GATB: variants seen among roughly 807,000 people sequenced by gnomAD.
GATB encodes glutamyl-tRNA(Gln) amidotransferase subunit B, mitochondrial.
In GATB, 39 loss-of-function variants were observed where a neutral mutation model predicts 62.3. That is an observed-to-expected ratio of 0.63 (90% CI 0.48 to 0.82). The LOEUF (loss-of-function observed/expected upper bound fraction) is 0.82. Ranked by LOEUF, GATB falls within the 40% of genes least tolerant of loss-of-function variation. The pLI, the probability that GATB is intolerant of heterozygous loss-of-function variation, is 0.00. For synonymous variants in GATB, 276 were observed against 258.9 expected (o/e 1.07, Z -0.63); for missense variants, 670 against 684.0 (o/e 0.98, Z 0.23).
rs149830430 is a variant in GATB at position 151,724,177 on chromosome 4, C to T, written c.328-4639G>A. On this transcript the variant is annotated intron_variant, in intron 2 of 12. Coordinates refer to ENST00000263985, the MANE Select transcript of GATB (RefSeq NM_004564.3). ...ACAAATATTCCATGATCTCTGAGAC[C>T]ATCATTTAACAACAACTCCCAACAC... 5.9e-5 allele frequency: 9 copies of T among 152,254 alleles called. No homozygotes were observed. In the East Asian group the frequency reaches 7.7e-4, roughly 13 times the overall value. 9.4% of individuals were successfully genotyped at this position (152,254 alleles called of 1,614,324 possible).
chr4:151,760,882 G>A lies in GATB; in HGVS notation c.101C>T (p.Ser34Phe), dbSNP rs746953681. The A allele has an allele frequency of 3.7e-6, 6 of 1,613,928 alleles. No individual in the cohort carries two copies. Among genetic ancestry groups the A allele is most frequent in the Middle Eastern group, 1.6e-4 (1 of 6,068 alleles). The stretch of plus-strand genomic sequence containing the variant: ...CTCTCCCCTAATCTGGTTGGATGTG[G>A]ACCCAGTCGGAGCCCCTCTTCGGTG... ...SCHRRGAPTG[S>F]TSNQIRGESS... Residue 34 changes from serine (S) to phenylalanine (F), a missense_variant, in exon 1 of 13, where the codon TCC (serine) becomes TTC (phenylalanine). Physicochemically the swap from Ser to Phe is radical, Grantham distance 155. Transcript: ENST00000263985.
intron 9 of GATB, among the ~76,000 whole-genome samples, chr4:151,699,709 C>G (rs1289421478): frequency 6.6e-6 from 1 of 152,146 alleles, no homozygotes; most frequent in Admixed American, 6.6e-5. Flanking sequence ...CATACAGTGC[C>G]TTGAACAGAA....
rs199833490 is a variant in GATB at position 151,750,866 on chromosome 4, T to C, written c.327+7906A>G. ...CCAGGCTGGTCTCCAACTCCTGGGC[T>C]CAAGCCATCCAACCACCTCAGCCTT... On this transcript the variant is annotated intron_variant, in intron 2 of 12. Transcript: ENST00000263985. Among the ~76,000 whole-genome samples, 10 of 151,594 alleles carry C rather than the reference T, an allele frequency of 6.6e-5. No individual in the cohort carries two copies. The East Asian group carries it at 2.0e-3, about 30-fold the overall frequency.
At chr4:151,698,315 G>A (rs1458472543) in intron 9 of GATB, among the ~76,000 whole-genome samples, 1 of 152,058 alleles carries the variant, frequency 6.6e-6, no homozygotes, top group Admixed American at 6.5e-5. Flanking sequence ...CTCACTGCAC[G>A]ATAAAATGAC....
At chr4:151,714,483 C>T (rs1475063602) in intron 5 of GATB, among the ~76,000 whole-genome samples, 3 of 152,216 alleles carry the variant, frequency 2.0e-5, no homozygotes. Flanking sequence ...CAAAGCTACT[C>T]GGCTGCTGTG....
At chr4:151,736,092 C>A (rs1008123413) in intron 2 of GATB, among the ~76,000 whole-genome samples, 1 of 152,170 alleles carries the variant, frequency 6.6e-6, no homozygotes, top group African/African-American at 2.4e-5. Context: ...TGCTGAAAAT[C>A]AGCTCTAGAA....
chr4:151,735,206 G>A lies in GATB; in HGVS notation c.328-15668C>T, dbSNP rs572360381. 9.6e-5 allele frequency among the ~76,000 whole-genome samples: 14 copies of A among 146,064 alleles called. No homozygotes were observed. In the South Asian group the frequency reaches 2.2e-3, roughly 23 times the overall value. ...ATCTGACAAAGGACTAATAACCAGA[G>A]TCTACAACAAACTCAAACAAATCAG... On this transcript the variant is annotated intron_variant, in intron 2 of 12. Coordinates refer to ENST00000263985, the MANE Select transcript of GATB (RefSeq NM_004564.3).
chr4:151,701,497 C>A lies in GATB; in HGVS notation c.1029G>T (p.Leu343=). ...TGGCGTCGTAGAGCACCAGGGGAGG[C>A]AGGTTGGGTTCTGGCATGAACCTGG... ...QDYRFMPEPN[L]PPLVLYDATS... Residue 343 remains leucine (L), a synonymous_variant, in exon 9 of 13, where the codon CTG becomes CTT. Transcript: ENST00000263985. The A allele has an allele frequency of 6.4e-7, 1 of 1,569,198 alleles. No individual in the cohort carries two copies.
intron 7 of GATB, 60 bp downstream of exon 7, chr4:151,705,125 A>G: frequency 1.7e-6 from 2 of 1,159,164 alleles, no homozygotes; most frequent in Non-Finnish European, 2.6e-6. Context: ...TCAGTGGCTG[A>G]GCCCAGCCCT....
intron 12 of GATB, 135 bp from the exon 13 acceptor site, chr4:151,671,437 CAG>C: frequency 1.2e-6 from 1 of 825,138 alleles, no homozygotes; most frequent in Non-Finnish European, 1.9e-6. Flanking sequence ...AAATGTAGAA[CAG>C]AAAAAGGGGA....
At position 151,757,677 on chromosome 4, in the gene GATB, C is replaced by T. The variant is rs140079359; in HGVS notation, c.327+1095G>A. Among the ~76,000 whole-genome samples the T allele has an allele frequency of 2.6e-3, 391 of 152,182 alleles. 3 individuals are homozygous for T. The highest frequency in any genetic ancestry group is 8.8e-3 in the African/African-American group (364 of 41,540). ...TACTATTAGTAGAGATGGGGTTTCA[C>T]CGTGTTAGCCAGGATGGTCTCGATC... On this transcript the variant is annotated intron_variant, in intron 2 of 12. Coordinates refer to ENST00000263985, the MANE Select transcript of GATB (RefSeq NM_004564.3).
At chr4:151,732,515 G>A (rs1739289408) in intron 2 of GATB, among the ~76,000 whole-genome samples, 1 of 151,966 alleles carries the variant, frequency 6.6e-6, no homozygotes, top group African/African-American at 2.4e-5. Flanking sequence ...GATGCTTGAA[G>A]GCAGCATGCT....
At chr4:151,711,891 C>T (rs537881250) in intron 5 of GATB, among the ~76,000 whole-genome samples, 3 of 152,236 alleles carry the variant, frequency 2.0e-5, no homozygotes, top group South Asian at 2.1e-4. Context: ...ACTAGGTTCC[C>T]GGTAAGTTCT....
At chr4:151,680,198 T>C (rs559380614) in intron 10 of GATB, among the ~76,000 whole-genome samples, 1 of 151,636 alleles carries the variant, frequency 6.6e-6, no homozygotes, top group East Asian at 1.9e-4. Context: ...GGCTGCAAAA[T>C]TCATGAACCA....
chr4:151,732,559 T>G (rs1391883944), intron 2 of GATB, among the ~76,000 whole-genome samples: 9 of 151,046 alleles, frequency 6.0e-5, no homozygotes, highest in Admixed American at 2.6e-4. Flanking sequence ...TAATCTCAAG[T>G]ACCCAGGGAC....
intron 2 of GATB, among the ~76,000 whole-genome samples, chr4:151,756,154 C>G (rs969808173): frequency 6.6e-6 from 1 of 152,258 alleles, no homozygotes; most frequent in South Asian, 2.1e-4. Context: ...ATAAGCCCTG[C>G]GCAGAAAGAG....
intron 9 of GATB, among the ~76,000 whole-genome samples, chr4:151,693,235 G>A (rs1210323877): frequency 2.6e-5 from 4 of 152,194 alleles, no homozygotes; most frequent in Non-Finnish European, 5.9e-5. Context: ...TGGCAATGAA[G>A]CAAAGAGGCC....
In GATB at chr4:151,701,222, C is replaced by T. The variant is rs940139068; in HGVS notation, c.1197+107G>A. The T allele has an allele frequency of 6.5e-5, 54 of 832,786 alleles. No individual in the cohort carries two copies. In the South Asian group the frequency reaches 1.3e-3, roughly 21 times the overall value. The allele number at this position is 832,786 out of a possible 1,614,324, so 51.6% of individuals were successfully genotyped here. On this transcript the variant is annotated intron_variant, in intron 9 of 12. Coordinates refer to ENST00000263985, the MANE Select transcript of GATB (RefSeq NM_004564.3). ...CATCTATAGTACAACCCAAGAAACA[C>T]GCCCACCCCACTCAGAGCCCATGGC...
intron 2 of GATB, among the ~76,000 whole-genome samples, chr4:151,750,360 C>T (rs893329014): frequency 3.9e-5 from 6 of 152,170 alleles, no homozygotes; most frequent in African/African-American, 1.4e-4. Flanking sequence ...AAATAATATG[C>T]TGTGCCAGGG....
Sources: gnomAD v4.1 joint callset for allele counts (sites outside exome capture counted in the v4.1 genomes callset) on GRCh38, gnomAD v4.1.1 for gene constraint, MANE v1.5 for transcripts, NCBI Gene and HGNC (gene_info 2026-07-23, HGNC 2026-07-21) for gene names.